The following STOX1 variants were observed in gnomAD, a reference collection of about 807,000 sequenced individuals.
STOX1 encodes the protein storkhead-box protein 1.
STOX1 carries 57 observed loss-of-function variants against 74.8 expected under a neutral mutation model. The observed-to-expected ratio is 0.76, with a 90% CI of 0.62 to 0.95. STOX1 has a LOEUF of 0.95. STOX1 is among the 40% of genes least tolerant of loss of function. The pLI, the probability that STOX1 is intolerant of heterozygous loss-of-function variation, is 0.00. For synonymous variants in STOX1, 375 were observed against 401.3 expected, an observed-to-expected ratio of 0.93 and a Z score of 0.78; for missense variants, 1,010 against 1,117.0, an observed-to-expected ratio of 0.90 and a Z score of 1.37.
At chr10:68,861,431 G>T (rs1044453077) in intron 1 of STOX1, among the ~76,000 whole-genome samples, 4 of 152,144 alleles carry the variant, frequency 2.6e-5, no homozygotes, top group African/African-American at 9.7e-5. Flanking sequence ...GGTGGGCCAG[G>T]TGTTCCTTGT....
rs902090931 is a variant in STOX1, at chr10:68,868,036, C to T, written c.311-13922C>T. The stretch of plus-strand genomic sequence containing the variant: ...ACCACGGGGATTGCTTAAGAGTACT[C>T]GGGTGTCCTCCAGTGTAGTTCCACG... On this transcript the variant is annotated intron_variant, in intron 1 of 3. Coordinates refer to ENST00000298596, the MANE Select transcript of STOX1 (RefSeq NM_152709.5). Among the ~76,000 whole-genome samples, 11 of 152,234 alleles carry T rather than the reference C, an allele frequency of 7.2e-5. No individual in the cohort carries two copies. In the East Asian group the frequency reaches 9.6e-4, roughly 13 times the overall value.
chr10:68,879,996 T>C (rs1024834270), intron 1 of STOX1, among the ~76,000 whole-genome samples: 1 of 152,134 alleles, frequency 6.6e-6, no homozygotes, highest in Non-Finnish European at 1.5e-5. Flanking sequence ...CTGGGACCAT[T>C]GTTCATCCTA....
At chr10:68,836,062 G>A (rs61869913) in intron 1 of STOX1, among the ~76,000 whole-genome samples, 4,945 of 151,914 alleles carry the variant, frequency 0.033, 130 homozygotes, top group Non-Finnish European at 0.051. Flanking sequence ...TAGTAGAGAC[G>A]GGGTTTCACT....
chr10:68,889,523 A>G (rs1841049180), intron 3 of STOX1, among the ~76,000 whole-genome samples: 1 of 152,106 alleles, frequency 6.6e-6, no homozygotes, highest in African/African-American at 2.4e-5. Flanking sequence ...TAACTTATGT[A>G]TATCCTGTTA....
At chr10:68,851,009 C>T (rs1405458990) in intron 1 of STOX1, among the ~76,000 whole-genome samples, 1 of 151,290 alleles carries the variant, frequency 6.6e-6, no homozygotes, top group Non-Finnish European at 1.5e-5. Context: ...AGCAAACAAA[C>T]ACAAAAAAAG....
intron 1 of STOX1, among the ~76,000 whole-genome samples, chr10:68,829,391 C>G (rs908282482): frequency 4.6e-5 from 7 of 152,148 alleles, no homozygotes; most frequent in African/African-American, 1.2e-4. Flanking sequence ...GTGGCAGGTT[C>G]CTGTAATCCC....
intron 1 of STOX1, among the ~76,000 whole-genome samples, chr10:68,879,595 A>G (rs1840760250): frequency 6.6e-6 from 1 of 152,006 alleles, no homozygotes; most frequent in South Asian, 2.1e-4. Flanking sequence ...AGGGACACAG[A>G]TCTTATTTTA....
At chr10:68,836,240 G>A (rs956929783) in intron 1 of STOX1, among the ~76,000 whole-genome samples, 3 of 152,170 alleles carry the variant, frequency 2.0e-5, no homozygotes, top group African/African-American at 7.2e-5. Flanking sequence ...ACCTCTCTCA[G>A]CTCCATTGTC....
rs770019191 is a variant in STOX1 at position 68,886,479 on chromosome 10, A to C, written c.2683A>C (p.Lys895Gln). ...SQSPQNQEMR[K>Q]HFPQKFQLFN... ...GAGTCCTCAGAATCAGGAAATGAGAAAACATTTCCCACAAAAGTTCCAACT... is the reference window on the plus strand; with the variant it reads ...GAGTCCTCAGAATCAGGAAATGAGACAACATTTCCCACAAAAGTTCCAACT... Residue 895 changes from lysine (K) to glutamine (Q), a missense_variant, in exon 3 of 4, where the codon AAA (lysine) becomes CAA (glutamine). Lys to Gln is a moderately conservative substitution (Grantham distance 53). Transcript: ENST00000298596. The C allele has an allele frequency of 9.3e-6, 15 of 1,613,888 alleles. No homozygotes were observed. The highest frequency in any genetic ancestry group is 1.7e-5 in the Admixed American group (1 of 59,950).
intron 2 of STOX1, among the ~76,000 whole-genome samples, chr10:68,882,652 G>A (rs1727886637): frequency 6.6e-6 from 1 of 151,770 alleles, no homozygotes; most frequent in South Asian, 2.1e-4. Context: ...GCGCCTGCCA[G>A]CATGCCCAGA....
intron 1 of STOX1, among the ~76,000 whole-genome samples, chr10:68,863,955 C>T (rs1270303591): frequency 3.4e-5 from 5 of 148,278 alleles, no homozygotes; most frequent in South Asian, 2.1e-4. Flanking sequence ...GACAAAGTCT[C>T]GCTCTCTCAC....
In STOX1 at chr10:68,885,252, C is replaced by T. The variant is rs760669096; in HGVS notation, c.1456C>T (p.His486Tyr). The T allele has an allele frequency of 6.2e-7, 1 of 1,614,210 alleles. No individual in the cohort carries two copies. Among genetic ancestry groups the T allele is most frequent in the Non-Finnish European group, 8.5e-7 (1 of 1,180,046 alleles). ...LGEITTVLGS[H>Y]LIYKKRISNP... Reference sequence around the variant, plus strand: ...TGAGATTACAACAGTGCTAGGTTCCCATTTGATTTACAAAAAGCGAATCAG... The same window carrying T: ...TGAGATTACAACAGTGCTAGGTTCCTATTTGATTTACAAAAAGCGAATCAG... Residue 486 changes from histidine (H) to tyrosine (Y), a missense_variant, in exon 3 of 4, where the codon CAT becomes TAT. By Grantham distance (83) the His-to-Tyr change is moderately conservative. Coordinates refer to ENST00000298596, the MANE Select transcript of STOX1 (RefSeq NM_152709.5).
intron 1 of STOX1, among the ~76,000 whole-genome samples, chr10:68,848,340 G>C (rs1228616510): frequency 6.6e-6 from 1 of 152,138 alleles, no homozygotes; most frequent in Non-Finnish European, 1.5e-5. Flanking sequence ...CAACCCAGCT[G>C]TACTACTCCC....
Position 68,835,782 on chromosome 10 carries a change from G to C in STOX1, c.310+7849G>C, listed in dbSNP as rs556599202. Among the ~76,000 whole-genome samples, 8 of 152,352 alleles carry C rather than the reference G, an allele frequency of 5.3e-5. No homozygotes were observed. The South Asian group carries it at 1.7e-3, about 32-fold the overall frequency. Reference sequence around the variant, plus strand: ...GCAAAATTATTTTCAGTTACAGGCAGCAAAAGTGAGACTTGAGGAGTCACT... The same window carrying C: ...GCAAAATTATTTTCAGTTACAGGCACCAAAAGTGAGACTTGAGGAGTCACT... On this transcript the variant is annotated intron_variant, in intron 1 of 3. Coordinates refer to ENST00000298596, the MANE Select transcript of STOX1 (RefSeq NM_152709.5).
chr10:68,854,849 G>A lies in STOX1; in HGVS notation c.310+26916G>A, dbSNP rs552364720. Among the ~76,000 whole-genome samples, 49 of 152,170 alleles carry A rather than the reference G, an allele frequency of 3.2e-4. No homozygotes were observed. In the South Asian group the frequency reaches 9.5e-3, roughly 30 times the overall value. ...TACCAAGTAAGACATTACCTTCTAG[G>A]CATGCACAGTAGATAAGGCTCCTAA... On this transcript the variant is annotated intron_variant, in intron 1 of 3. Coordinates refer to ENST00000298596, the MANE Select transcript of STOX1 (RefSeq NM_152709.5).
chr10:68,844,164 C>G (rs1343539240), intron 1 of STOX1, among the ~76,000 whole-genome samples: 1 of 145,260 alleles, frequency 6.9e-6, no homozygotes, highest in Non-Finnish European at 1.5e-5. Context: ...TGGGAGACAG[C>G]AAGAATCTGT....
At chr10:68,889,771 C>G (rs1841054386) in intron 3 of STOX1, among the ~76,000 whole-genome samples, 1 of 151,966 alleles carries the variant, frequency 6.6e-6, no homozygotes. Flanking sequence ...ACCATGTTGT[C>G]CAGGCTGGTC....
intron 1 of STOX1, among the ~76,000 whole-genome samples, chr10:68,838,094 T>A (rs1463715332): frequency 1.3e-5 from 2 of 151,500 alleles, no homozygotes; most frequent in Non-Finnish European, 2.9e-5. Flanking sequence ...TGAGATAGGG[T>A]CTGGCTCTGT....
chr10:68,894,693 C>T (rs1841162396), downstream of STOX1, among the ~76,000 whole-genome samples: 1 of 152,084 alleles, frequency 6.6e-6, no homozygotes, highest in South Asian at 2.1e-4. Flanking sequence ...ATGGAATCAG[C>T]ACCAGTGAAT....
Sources: gnomAD v4.1 joint callset for allele counts (sites outside exome capture counted in the v4.1 genomes callset) on GRCh38, gnomAD v4.1.1 for gene constraint, MANE v1.5 for transcripts, NCBI Gene and HGNC (gene_info 2026-07-23, HGNC 2026-07-21) for gene names.